Variants in TENM4 observed in about 807,000 individuals in gnomAD.
The protein encoded by TENM4 is teneurin transmembrane protein 4.
Under a neutral mutation model 243.3 loss-of-function variants are expected in TENM4, and 82 were observed. The ratio of observed to expected loss-of-function variants is 0.34; its 90% confidence interval spans 0.28 to 0.40. The LOEUF (loss-of-function observed/expected upper bound fraction) is 0.40. Ranked by LOEUF, TENM4 falls within the 10% of genes least tolerant of loss-of-function variation. The probability of loss-of-function intolerance (pLI) is 1.00; values close to 1 mark genes in which losing one functional copy is unlikely to be tolerated. For missense variants in TENM4, 3,138 were observed against 3,673.3 expected, an observed-to-expected ratio of 0.85 and a Z score of 3.77; for synonymous variants, 1,412 against 1,456.3, an observed-to-expected ratio of 0.97 and a Z score of 0.69.
intron 6 of TENM4, among the ~76,000 whole-genome samples, chr11:79,039,364 C>T (rs926719100): frequency 1.3e-5 from 2 of 152,170 alleles, no homozygotes; most frequent in Non-Finnish European, 2.9e-5. Context: ...ACTTGCTGTA[C>T]GTCAGCACAG....
intron 3 of TENM4, among the ~76,000 whole-genome samples, chr11:79,153,228 C>T (rs1430695105): frequency 6.6e-6 from 1 of 152,100 alleles, no homozygotes. Flanking sequence ...TGAGTAACTA[C>T]CTCACAAGAT....
rs1056898610 is a variant in TENM4 at position 79,254,041 on chromosome 11, T to C, written c.-264-38132A>G. The stretch of plus-strand genomic sequence containing the variant: ...GAAAAGCTTGATAATTTTCCAGTGT[T>C]TACCCACAGGAAAGGGGCATCCTCA... On this transcript the variant is annotated intron_variant, in intron 2 of 33. Transcript: ENST00000278550. 3.3e-5 allele frequency among the ~76,000 whole-genome samples: 5 copies of C among 152,198 alleles called. No homozygotes were observed. In the East Asian group the frequency reaches 7.7e-4, roughly 23 times the overall value.
chr11:78,885,760 C>A (rs1855534742), intron 9 of TENM4, among the ~76,000 whole-genome samples: 1 of 152,242 alleles, frequency 6.6e-6, no homozygotes, highest in African/African-American at 2.4e-5. Context: ...TCTACACACA[C>A]ACACAAATTT....
In TENM4 at chr11:79,111,158, A is replaced by G. The variant is rs1861494827; in HGVS notation, c.-66+37552T>C. On this transcript the variant is annotated intron_variant, in intron 4 of 33. Coordinates refer to ENST00000278550, the MANE Select transcript of TENM4 (RefSeq NM_001098816.3). ...GGGGAAACCCCTTTCGCTTGCTCCC[A>G]TTCTCTCTTGCCTGCTGCCAGGTAA... Among the ~76,000 whole-genome samples, 4 of 152,226 alleles carry G rather than the reference A, an allele frequency of 2.6e-5. No homozygotes were observed. The South Asian group carries it at 6.2e-4, about 24-fold the overall frequency.
At chr11:78,971,724 T>C (rs1360937164) in intron 6 of TENM4, among the ~76,000 whole-genome samples, 2 of 152,166 alleles carry the variant, frequency 1.3e-5, no homozygotes, top group African/African-American at 2.4e-5. Context: ...AAAAGTATGA[T>C]GTCTCAGAAG....
chr11:78,722,591 G>C (rs1855414091), intron 24 of TENM4, 77 bp downstream of exon 24: 8 of 1,545,326 alleles, frequency 5.2e-6, no homozygotes, highest in Non-Finnish European at 7.0e-6. Context: ...CCTGGGCTCA[G>C]CAGGTAATGT....
intron 3 of TENM4, among the ~76,000 whole-genome samples, chr11:79,157,562 C>T (rs1401049278): frequency 6.6e-6 from 1 of 152,186 alleles, no homozygotes; most frequent in African/African-American, 2.4e-5. Flanking sequence ...TCCTAGTACT[C>T]ACCCAGGCAG....
intron 9 of TENM4, among the ~76,000 whole-genome samples, chr11:78,876,761 C>T (rs1468892161): frequency 6.6e-6 from 1 of 152,234 alleles, no homozygotes; most frequent in Admixed American, 6.5e-5. Flanking sequence ...GCCTGGGACA[C>T]AGTCCAAAAG....
At chr11:78,944,020 T>A (rs1473930032) in intron 6 of TENM4, among the ~76,000 whole-genome samples, 2 of 152,222 alleles carry the variant, frequency 1.3e-5, no homozygotes, top group Non-Finnish European at 2.9e-5. Flanking sequence ...ACATGCCTTA[T>A]CTCACAGAGG....
At chr11:78,899,437 T>C (rs1041210069) in intron 7 of TENM4, among the ~76,000 whole-genome samples, 1 of 150,166 alleles carries the variant, frequency 6.7e-6, no homozygotes, top group Non-Finnish European at 1.5e-5. Flanking sequence ...CAGCTGGGCA[T>C]GGGGGTGGCA....
At chr11:79,160,347 A>G (rs1272333605) in intron 3 of TENM4, among the ~76,000 whole-genome samples, 1 of 152,152 alleles carries the variant, frequency 6.6e-6, no homozygotes, top group African/African-American at 2.4e-5. Context: ...AAACTCCTCT[A>G]GTATCCAGGA....
At chr11:78,899,559 C>CGGA (rs376462960) in intron 7 of TENM4, among the ~76,000 whole-genome samples, 1 of 29,590 alleles carries the variant, frequency 3.4e-5, no homozygotes, top group South Asian at 2.0e-3. Flanking sequence ...TCTCAAAAAG[C>CGGA]GGGGGGGGGG....
intron 6 of TENM4, among the ~76,000 whole-genome samples, chr11:78,905,390 G>A (rs897033853): frequency 7.9e-5 from 12 of 152,156 alleles, no homozygotes; most frequent in African/African-American, 2.7e-4. Flanking sequence ...ATCTGGTGGG[G>A]AATTCGGGAA....
chr11:79,027,200 C>T (rs910839287), intron 6 of TENM4, among the ~76,000 whole-genome samples: 2 of 152,178 alleles, frequency 1.3e-5, no homozygotes, highest in South Asian at 4.1e-4. Flanking sequence ...ATGCTTCTAA[C>T]AGTAGGTTTG....
chr11:79,411,174 C>T (rs552536347), intron 1 of TENM4, among the ~76,000 whole-genome samples: 3 of 152,198 alleles, frequency 2.0e-5, no homozygotes, highest in African/African-American at 7.2e-5. Flanking sequence ...GACTGCCTGA[C>T]TCCTGAACCC....
At chr11:79,165,751 C>T (rs943668439) in intron 3 of TENM4, among the ~76,000 whole-genome samples, 8 of 152,088 alleles carry the variant, frequency 5.3e-5, no homozygotes, top group Admixed American at 3.3e-4. Flanking sequence ...ATGTTATCTT[C>T]GAGAATTTTT....
intron 3 of TENM4, among the ~76,000 whole-genome samples, chr11:79,198,546 A>G (rs76463786): frequency 0.027 from 4,166 of 152,332 alleles, 88 homozygotes; most frequent in Non-Finnish European, 0.04. Flanking sequence ...AGAAGAAGTT[A>G]TGTGAAGAAA....
intron 19 of TENM4, among the ~76,000 whole-genome samples, chr11:78,751,170 C>T (rs1241702643): frequency 3.3e-5 from 5 of 152,202 alleles, no homozygotes; most frequent in Non-Finnish European, 5.9e-5. Flanking sequence ...CGTGAGCCAG[C>T]ATGCTTGGGC....
chr11:79,381,118 C>G (rs1458655633), intron 1 of TENM4, among the ~76,000 whole-genome samples: 1 of 152,044 alleles, frequency 6.6e-6, no homozygotes, highest in Non-Finnish European at 1.5e-5. Flanking sequence ...CCGTGCAGGT[C>G]AGATAGCCCT....
Sources: gnomAD v4.1 joint callset for allele counts (sites outside exome capture counted in the v4.1 genomes callset) on GRCh38, gnomAD v4.1.1 for gene constraint, MANE v1.5 for transcripts, NCBI Gene and HGNC (gene_info 2026-07-23, HGNC 2026-07-21) for gene names.